MATN2: variants seen among roughly 807,000 people sequenced by gnomAD.
The protein encoded by MATN2 is matrilin 2.
In MATN2, 69 loss-of-function variants were observed where a neutral mutation model predicts 103.2. The ratio of observed to expected loss-of-function variants is 0.67; its 90% confidence interval spans 0.55 to 0.82. The LOEUF (loss-of-function observed/expected upper bound fraction) is 0.82. Among genes scored for constraint, MATN2 ranks in the 40% least tolerant of loss-of-function variants. The probability of loss-of-function intolerance (pLI) is 0.00; values close to 1 mark genes in which losing one functional copy is unlikely to be tolerated. For missense variants in MATN2, 1,023 were observed against 1,211.5 expected, an observed-to-expected ratio of 0.84 and a Z score of 2.31; for synonymous variants, 429 against 450.2, an observed-to-expected ratio of 0.95 and a Z score of 0.60.
intron 1 of MATN2, among the ~76,000 whole-genome samples, chr8:97,887,464 A>C (rs973237486): frequency 2.0e-5 from 3 of 152,156 alleles, no homozygotes; most frequent in Non-Finnish European, 2.9e-5. Context: ...GTAATGGAGC[A>C]AGTTAATATA....
In MATN2 at chr8:97,982,625, A is replaced by G. The variant is rs889385163; in HGVS notation, c.1081+3617A>G. Among the ~76,000 whole-genome samples, 1 of 152,210 alleles carries G rather than the reference A, an allele frequency of 6.6e-6. No individual in the cohort carries two copies. The highest frequency in any genetic ancestry group is 2.4e-5 in the African/African-American group (1 of 41,462). On this transcript the variant is annotated intron_variant, in intron 6 of 18. Transcript: ENST00000254898. This position sits in a 1 kb window ranked among gnomAD's most constrained non-coding sequence, Gnocchi z 4.3. ...TTAATTTATGATTAAGCAAAAATGT[A>G]CATAATAGGGCTTTATGTTCATGAA...
Position 97,945,536 on chromosome 8 carries a change from C to T in MATN2, c.835+3637C>T, listed in dbSNP as rs183236959. 2.9e-3 allele frequency among the ~76,000 whole-genome samples: 437 copies of T among 152,000 alleles called. 4 individuals are homozygous for T. Among genetic ancestry groups the T allele is most frequent in the African/African-American group, 9.4e-3 (389 of 41,456 alleles). ...AAGCCGGGAAGACAGATAGGTTCCT[C>T]AGCCCACTAATCCAGGGGAGACTTA... On this transcript the variant is annotated intron_variant, in intron 4 of 18. Transcript: ENST00000254898.
At chr8:97,905,532 C>G (rs1195378754) in intron 2 of MATN2, among the ~76,000 whole-genome samples, 4 of 152,166 alleles carry the variant, frequency 2.6e-5, no homozygotes, top group Non-Finnish European at 5.9e-5. Context: ...CAAGGTTCAT[C>G]CATGTTGTAG....
chr8:98,016,799 A>C, intron 11 of MATN2, 137 bp downstream of exon 11: 1 of 969,516 alleles, frequency 1.0e-6, no homozygotes, highest in Non-Finnish European at 1.5e-6. Context: ...CCTGGATAGG[A>C]CCCTGAAAGA....
chr8:97,993,478 T>C (rs1009414297), intron 6 of MATN2, among the ~76,000 whole-genome samples: 1 of 142,826 alleles, frequency 7.0e-6, no homozygotes, highest in Non-Finnish European at 1.5e-5. Flanking sequence ...AAAATACTTA[T>C]ACAAAAAATA....
At chr8:97,870,417 T>G (rs1205627967) in intron 1 of MATN2, among the ~76,000 whole-genome samples, 1 of 149,570 alleles carries the variant, frequency 6.7e-6, no homozygotes, top group Non-Finnish European at 1.5e-5. Context: ...ACTCGGGAGG[T>G]TGAGGCAGGA....
At position 97,978,906 on chromosome 8, in the gene MATN2, G is replaced by A; in HGVS notation, c.979G>A (p.Glu327Lys). The A allele has an allele frequency of 6.2e-7, 1 of 1,613,878 alleles. No homozygotes were observed. The highest frequency in any genetic ancestry group is 8.5e-7 in the Non-Finnish European group (1 of 1,179,830). Residue 327 changes from glutamate to lysine, a missense_variant, in exon 6 of 19, where the codon GAA (glutamate) becomes AAA (lysine). Coordinates refer to ENST00000254898, the MANE Select transcript of MATN2 (RefSeq NM_002380.5). ...RCVAVDYCAS[E>K]NHGCEHECVN... ...TCCAGCTGTGGACTACTGTGCCTCA[G>A]AAAACCACGGATGTGAACATGAGTG... is the stretch of plus-strand genomic sequence containing the variant.
At chr8:98,022,197 C>T (rs1202881108) in intron 13 of MATN2, among the ~76,000 whole-genome samples, 1 of 151,966 alleles carries the variant, frequency 6.6e-6, no homozygotes, top group Non-Finnish European at 1.5e-5. Context: ...TGGATGTATC[C>T]CCAAGATATT....
At chr8:97,870,288 G>A (rs1817848275) in intron 1 of MATN2, among the ~76,000 whole-genome samples, 1 of 152,160 alleles carries the variant, frequency 6.6e-6, no homozygotes, top group Admixed American at 6.5e-5. Flanking sequence ...GGAAGCCGGG[G>A]CGGGCGGATC....
intron 1 of MATN2, among the ~76,000 whole-genome samples, chr8:97,869,503 C>G (rs1033266965): frequency 3.3e-5 from 5 of 152,100 alleles, no homozygotes; most frequent in African/African-American, 4.8e-5. Flanking sequence ...ACCCCTCGGC[C>G]GGGAGAGCTG....
At chr8:97,952,041 C>A (rs1810970101) in intron 4 of MATN2, 1 of 152,182 alleles carries the variant, frequency 6.6e-6, no homozygotes, top group Admixed American at 6.5e-5. Flanking sequence ...ATCCAAACTG[C>A]AGTTGTCAAA....
In MATN2 at chr8:98,007,252, T is replaced by C; in HGVS notation, c.1450+25T>C. On this transcript the variant is annotated intron_variant, in intron 9 of 18. Coordinates refer to ENST00000254898, the MANE Select transcript of MATN2 (RefSeq NM_002380.5). The surrounding 1 kb of genome is among the most constrained non-coding windows in gnomAD (Gnocchi z 4.2). The stretch of plus-strand genomic sequence containing the variant: ...CGTGAGTCCCTCCGCGCTCCTCTCA[T>C]AGGGGAAGGTTTGCACCAGGAGTGA... 2 of 1,612,976 alleles carry C rather than the reference T, an allele frequency of 1.2e-6. No homozygotes were observed. The highest frequency in any genetic ancestry group is 1.7e-6 in the Non-Finnish European group (2 of 1,179,558).
In MATN2 at chr8:98,027,472, G is replaced by A; in HGVS notation, c.1999G>A (p.Gly667Arg). The A allele has an allele frequency of 6.2e-7, 1 of 1,613,836 alleles. No homozygotes were observed. The highest frequency in any genetic ancestry group is 8.5e-7 in the Non-Finnish European group (1 of 1,179,814). ...TGTGATCGATGGATCCAAGAGTCTT[G>A]GAGAAGAGAATTTTGAGGTCGTGAA... ...VFVIDGSKSL[G>R]EENFEVVKQF... Residue 667 changes from glycine to arginine, a missense_variant, in exon 14 of 19, where the codon GGA becomes AGA. Physicochemically the swap from Gly to Arg is moderately radical, Grantham distance 125. Coordinates refer to ENST00000254898, the MANE Select transcript of MATN2 (RefSeq NM_002380.5).
chr8:98,033,786 G>A (rs1005020813), intron 18 of MATN2, 127 bp downstream of exon 18: 7 of 701,558 alleles, frequency 1.0e-5, no homozygotes, highest in South Asian at 6.0e-5. Flanking sequence ...TGATCTCCAG[G>A]AAAGGCTTTT....
chr8:98,002,455 C>T (rs577752634), intron 7 of MATN2, among the ~76,000 whole-genome samples: 14 of 152,226 alleles, frequency 9.2e-5, no homozygotes, highest in East Asian at 5.8e-4. Context: ...TGCCTTGTGC[C>T]GTCCAATGTC....
At chr8:97,869,669 C>T (rs559568435) in intron 1 of MATN2, among the ~76,000 whole-genome samples, 3 of 152,350 alleles carry the variant, frequency 2.0e-5, no homozygotes, top group Non-Finnish European at 1.5e-5. Context: ...TCCTATTCCA[C>T]GGACAGCCGA....
At chr8:98,030,870 C>T (rs1813990676) in intron 15 of MATN2, among the ~76,000 whole-genome samples, 1 of 152,062 alleles carries the variant, frequency 6.6e-6, no homozygotes, top group Admixed American at 6.6e-5. Flanking sequence ...ACCATGTTGG[C>T]CAGGCTGGTC....
At chr8:97,901,012 C>G (rs956516273) in intron 2 of MATN2, among the ~76,000 whole-genome samples, 2 of 152,080 alleles carry the variant, frequency 1.3e-5, no homozygotes, top group African/African-American at 4.8e-5. Flanking sequence ...ATGAGGAATC[C>G]TTAAATCTTT....
chr8:97,944,634 C>T (rs372664443), intron 4 of MATN2, among the ~76,000 whole-genome samples: 8 of 152,244 alleles, frequency 5.3e-5, no homozygotes, highest in East Asian at 3.9e-4. Flanking sequence ...TAAGATGGGA[C>T]GGGTGGTAAC....
Sources: allele counts gnomAD v4.1 joint callset (sites outside exome capture counted in the v4.1 genomes callset), GRCh38; gene constraint gnomAD v4.1.1; non-coding constraint Gnocchi (gnomAD v3.1); transcripts MANE v1.5; gene names NCBI Gene and HGNC (gene_info 2026-07-23, HGNC 2026-07-21).